Variants in STPG2 observed in about 807,000 individuals in gnomAD.
The protein encoded by STPG2 is sperm tail PG-rich repeat containing 2.
In STPG2, 56 loss-of-function variants were observed where a neutral mutation model predicts 54.2. The ratio of observed to expected loss-of-function variants is 1.03; its 90% CI spans 0.83 to 1.29. The LOEUF (loss-of-function observed/expected upper bound fraction) is 1.29, where lower values mean the gene tolerates loss of function less well. Among genes scored for constraint, STPG2 ranks in the 50% most tolerant of loss-of-function variants. The probability of loss-of-function intolerance (pLI) is 0.00; values close to 1 mark genes in which losing one functional copy is unlikely to be tolerated. For synonymous variants in STPG2, 200 were observed against 181.8 expected (o/e 1.10, Z -0.81); for missense variants, 596 against 544.9 (o/e 1.09, Z -0.93).
intron 9 of STPG2, among the ~76,000 whole-genome samples, chr4:97,718,851 A>C (rs550151094): frequency 6.6e-6 from 1 of 151,978 alleles, no homozygotes; most frequent in Non-Finnish European, 1.5e-5. Flanking sequence ...ACAGCAGACT[A>C]CTGTGAGAAT....
intron 10 of STPG2, among the ~76,000 whole-genome samples, chr4:97,689,961 G>C (rs1296544069): frequency 6.6e-6 from 1 of 151,670 alleles, no homozygotes; most frequent in Non-Finnish European, 1.5e-5. Context: ...TTTTTCTTTT[G>C]TATTATAATT....
chr4:98,109,187 A>T lies in STPG2; in HGVS notation c.500+6T>A. 1 of 1,501,156 alleles carries T rather than the reference A, an allele frequency of 6.7e-7. No individual in the cohort carries two copies. 93.0% of individuals were successfully genotyped at this position (1,501,156 alleles called of 1,614,324 possible). A position where few individuals can be genotyped will look rare whatever the true frequency, so the allele number is the denominator to read the frequency against. On this transcript the variant is annotated splice_donor_region_variant and intron_variant, in intron 4 of 10. Transcript: ENST00000295268. Reference sequence around the variant, plus strand: ...CATTAAAGGTATACTATATTTTTTTACTTACTGGACTATATCATACTGTCC... The same window carrying T: ...CATTAAAGGTATACTATATTTTTTTTCTTACTGGACTATATCATACTGTCC...
In STPG2 at chr4:97,474,629, T is replaced by TA. The variant is rs1730027291; in HGVS notation, c.462+238069dup. Reference sequence around the variant, plus strand: ...AGGAGGAAGTTTAGCCAGAATCCCTTATGACTTTTAGAGAGAAAAGCCTAC... The same window carrying TA: ...AGGAGGAAGTTTAGCCAGAATCCCTTAATGACTTTTAGAGAGAAAAGCCTAC... On this transcript the variant is annotated intron_variant, in intron 4 of 4. Transcript: ENST00000522676. Among the ~76,000 whole-genome samples the TA allele has an allele frequency of 3.3e-5, 5 of 152,292 alleles. No individual in the cohort carries two copies. The South Asian group carries it at 1.0e-3, about 32-fold the overall frequency.
intron 4 of STPG2, among the ~76,000 whole-genome samples, chr4:97,475,592 G>T (rs954921991): frequency 6.6e-6 from 1 of 151,812 alleles, no homozygotes; most frequent in African/African-American, 2.4e-5. Context: ...TGTATGGTTG[G>T]TATGTGTGTA....
chr4:97,690,509 A>T (rs1723330859), intron 10 of STPG2, among the ~76,000 whole-genome samples: 2 of 152,070 alleles, frequency 1.3e-5, no homozygotes, highest in Middle Eastern at 3.2e-3. Flanking sequence ...CTGATGTATA[A>T]TGATTATACA....
chr4:98,109,337 T>C, intron 3 of STPG2, 32 bp from the exon 4 acceptor site: 1 of 1,485,506 alleles, frequency 6.7e-7, no homozygotes, highest in Admixed American at 1.8e-5. Flanking sequence ...AAAGTGAGGA[T>C]GAAACATAGT....
At chr4:98,129,392 T>C (rs1739919674) in intron 2 of STPG2, among the ~76,000 whole-genome samples, 1 of 152,138 alleles carries the variant, frequency 6.6e-6, no homozygotes, top group African/African-American at 2.4e-5. Context: ...GTCCTAAGTA[T>C]GCAAGCTATA....
intron 10 of STPG2, among the ~76,000 whole-genome samples, chr4:97,632,366 C>G (rs1000748527): frequency 6.6e-6 from 1 of 150,398 alleles, no homozygotes; most frequent in Non-Finnish European, 1.5e-5. Context: ...CAAGGAAAAA[C>G]TATCAAGCTG....
intron 10 of STPG2, among the ~76,000 whole-genome samples, chr4:97,615,567 T>C (rs72890848): frequency 0.12 from 17,830 of 152,060 alleles, 3,167 homozygotes; most frequent in African/African-American, 0.39. Context: ...GGATGACTAC[T>C]GCATCTGGCT....
At chr4:97,906,931 G>C (rs1429104710) in intron 8 of STPG2, among the ~76,000 whole-genome samples, 5 of 151,584 alleles carry the variant, frequency 3.3e-5, no homozygotes, top group Admixed American at 3.3e-4. Context: ...GCAAAAACTG[G>C]AAGCATTCCC....
intron 7 of STPG2, among the ~76,000 whole-genome samples, chr4:97,964,649 C>T (rs1026057150): frequency 6.6e-6 from 1 of 152,036 alleles, no homozygotes; most frequent in African/African-American, 2.4e-5. Context: ...CAATTAAGGG[C>T]AACAGATTTC....
At chr4:97,571,975 C>A (rs1410418294) in intron 10 of STPG2, among the ~76,000 whole-genome samples, 3 of 152,160 alleles carry the variant, frequency 2.0e-5, no homozygotes, top group African/African-American at 7.2e-5. Flanking sequence ...AACTCCTGGA[C>A]TTCACCATTT....
At chr4:97,639,236 A>T (rs1003976775) in intron 10 of STPG2, among the ~76,000 whole-genome samples, 9 of 152,132 alleles carry the variant, frequency 5.9e-5, no homozygotes, top group African/African-American at 1.9e-4. Flanking sequence ...TCAGTAAACT[A>T]TCGCAAGAAC....
At chr4:97,982,227 A>C (rs2149263831) in intron 5 of STPG2, among the ~76,000 whole-genome samples, 1 of 152,286 alleles carries the variant, frequency 6.6e-6, no homozygotes, top group Non-Finnish European at 1.5e-5. Context: ...TTTACAGAGA[A>C]GATGCATGAA....
At chr4:97,988,026 T>TCACA (rs3047311) in intron 5 of STPG2, among the ~76,000 whole-genome samples, 4,459 of 141,636 alleles carry the variant, frequency 0.031, 95 homozygotes, top group African/African-American at 0.067. Context: ...GGTCTGAATG[T>TCACA]CACACACACA....
At chr4:97,590,091 T>C (rs1409340144) in intron 10 of STPG2, among the ~76,000 whole-genome samples, 1 of 152,128 alleles carries the variant, frequency 6.6e-6, no homozygotes, top group Non-Finnish European at 1.5e-5. Flanking sequence ...CTAACTCCTG[T>C]TATAGGTGCT....
At chr4:97,827,394 T>C (rs111554476) in intron 9 of STPG2, among the ~76,000 whole-genome samples, 3,086 of 151,864 alleles carry the variant, frequency 0.02, 98 homozygotes, top group African/African-American at 0.071. Context: ...CACCACCATG[T>C]CCGGATAATT....
intron 4 of STPG2, among the ~76,000 whole-genome samples, chr4:97,540,647 G>T (rs1023502992): frequency 1.3e-5 from 2 of 152,046 alleles, no homozygotes; most frequent in African/African-American, 4.8e-5. Context: ...TGATACCAAA[G>T]CCTGGCAGAG....
chr4:97,766,194 C>T (rs998667144), intron 9 of STPG2, among the ~76,000 whole-genome samples: 2 of 152,050 alleles, frequency 1.3e-5, no homozygotes, highest in Non-Finnish European at 2.9e-5. Flanking sequence ...TCCCCATGTC[C>T]TATAGACCAA....
Sources: gnomAD v4.1 joint callset for allele counts (sites outside exome capture counted in the v4.1 genomes callset) on GRCh38, gnomAD v4.1.1 for gene constraint, MANE v1.5 for transcripts, NCBI Gene and HGNC (gene_info 2026-07-23, HGNC 2026-07-21) for gene names.